NPRL3: variants seen among roughly 807,000 people sequenced by gnomAD.
The protein encoded by NPRL3 is NPR3 like, GATOR1 complex subunit, also known as GATOR1 complex protein NPRL3.
A neutral mutation model predicts 57.2 loss-of-function variants in NPRL3; 23 were observed. The observed-to-expected ratio is 0.40, with a 90% CI of 0.29 to 0.57. NPRL3 has a LOEUF of 0.57. NPRL3 is among the 20% of genes least tolerant of loss of function. The pLI, the probability that NPRL3 is intolerant of heterozygous loss-of-function variation, is 0.42. For synonymous variants in NPRL3, 333 were observed against 321.1 expected (o/e 1.04, Z -0.39); for missense variants, 691 against 767.1 (o/e 0.90, Z 1.17).
In NPRL3 at chr16:93,232, C is replaced by T; in HGVS notation, c.1018G>A (p.Ala340Thr). 6 of 1,554,186 alleles carry T rather than the reference C, an allele frequency of 3.9e-6. No homozygotes were observed. Among genetic ancestry groups the T allele is most frequent in the Non-Finnish European group, 5.2e-6 (6 of 1,148,016 alleles). Residue 340 changes from alanine to threonine, a missense_variant, in exon 10 of 14, where the codon GCC becomes ACC. Physicochemically the swap from Ala to Thr is moderately conservative, Grantham distance 58. Coordinates refer to ENST00000611875, the MANE Select transcript of NPRL3 (RefSeq NM_001077350.3). ...ENNVYMLSPNASVCLYSPLAE... is the reference protein window; with the variant it reads ...ENNVYMLSPNTSVCLYSPLAE... ...AGCAGCACTCACAGACATACGCTGG[C>T]ATTGGGAGACAGCATGTAGACGTTG...
At chr16:100,970 C>CAAAAAAAAAAA (rs59640237) in intron 7 of NPRL3, among the ~76,000 whole-genome samples, 852 of 36,004 alleles carry the variant, frequency 0.024, 157 homozygotes, top group African/African-American at 0.039. Flanking sequence ...GACTCTGTCT[C>CAAAAAAAAAAA]AAAAAAAAAA....
At chr16:106,467 CA>C (rs1376414508) in intron 7 of NPRL3, among the ~76,000 whole-genome samples, 33 of 151,564 alleles carry the variant, frequency 2.2e-4, no homozygotes, top group African/African-American at 7.7e-4. Flanking sequence ...ATCCCATTTC[CA>C]CAAAAAAATA....
intron 5 of NPRL3, 104 bp downstream of exon 5, chr16:117,197 C>T (rs747842865): frequency 6.6e-4 from 504 of 768,686 alleles, no homozygotes; most frequent in Non-Finnish European, 9.0e-4. Flanking sequence ...GGGGCCAGCC[C>T]GCTGCAGTCC....
At chr16:100,083 GCCCTCCGGCCTC>G (rs1201430374) in intron 8 of NPRL3, among the ~76,000 whole-genome samples, 1 of 151,558 alleles carries the variant, frequency 6.6e-6, no homozygotes, top group African/African-American at 2.4e-5. Flanking sequence ...AGTCCCTCCA[GCCCTCCGGCCTC>G]CCCAAGGACA....
In NPRL3 at chr16:138,346, G is replaced by T; in HGVS notation, c.-67-12C>A. 1 of 864,184 alleles carries T rather than the reference G, an allele frequency of 1.2e-6. No individual in the cohort carries two copies. Among genetic ancestry groups the T allele is most frequent in the Non-Finnish European group, 1.5e-6 (1 of 649,500 alleles). The allele number at this position is 864,184 out of a possible 1,614,324, so 53.5% of individuals were successfully genotyped here. On this transcript the variant is annotated splice_polypyrimidine_tract_variant and intron_variant, in intron 1 of 13. Coordinates refer to ENST00000611875, the MANE Select transcript of NPRL3 (RefSeq NM_001077350.3). The stretch of plus-strand genomic sequence containing the variant: ...GAGGCGGAGGGGGCCTGAGGAGGAC[G>T]GAGCCGGAGGCGGAGGGGGCCTGAG...
At chr16:97,876 C>T (rs1007229731) in intron 9 of NPRL3, among the ~76,000 whole-genome samples, 34 of 152,150 alleles carry the variant, frequency 2.2e-4, no homozygotes, top group African/African-American at 8.2e-4. Flanking sequence ...GCAAGCACCC[C>T]AGTCCTTTCT....
At position 93,312 on chromosome 16, in the gene NPRL3, G is replaced by C. The variant is rs1416610172; in HGVS notation, c.938C>G (p.Ala313Gly). The change falls in exon 10 of 14, where the codon GCA (alanine) becomes GGA (glycine). Residue 313 changes from alanine (A) to glycine (G), a missense_variant. Physicochemically the swap from Ala to Gly is moderately conservative, Grantham distance 60. Transcript: ENST00000611875. ...CTTGCCCCAGTACACCAGATGAGCT[G>C]CAAGCTGGAAAACCTGCAGGCAAAA... ...DLALLQVFQLAAHLVYWGKAI... is the reference protein window; with the variant it reads ...DLALLQVFQLGAHLVYWGKAI... 6.4e-7 allele frequency: 1 copy of C among 1,555,750 alleles called. No individual in the cohort carries two copies. Among genetic ancestry groups the C allele is most frequent in the Non-Finnish European group, 8.7e-7 (1 of 1,149,268 alleles).
intron 7 of NPRL3, among the ~76,000 whole-genome samples, chr16:107,043 A>T (rs1461367817): frequency 6.6e-6 from 1 of 152,196 alleles, no homozygotes; most frequent in African/African-American, 2.4e-5. Flanking sequence ...TCCCTGGGGC[A>T]AGCTCCAGGA....
At position 122,726 on chromosome 16, in the gene NPRL3, A is replaced by G. The variant is rs544070559; in HGVS notation, c.189-3471T>C. On this transcript the variant is annotated intron_variant, in intron 3 of 13. Transcript: ENST00000611875. Reference sequence around the variant, plus strand: ...CAGGACCTTCTATCACTGCCGAGCTATTCTGGAGTAGGGTTTGCTCTCTAG... The same window carrying G: ...CAGGACCTTCTATCACTGCCGAGCTGTTCTGGAGTAGGGTTTGCTCTCTAG... Among the ~76,000 whole-genome samples the G allele has an allele frequency of 7.2e-5, 11 of 152,324 alleles. No homozygotes were observed. In the South Asian group the frequency reaches 1.9e-3, roughly 26 times the overall value.
chr16:87,868 CT>C (rs35061088), intron 13 of NPRL3, among the ~76,000 whole-genome samples: 112 of 137,522 alleles, frequency 8.1e-4, no homozygotes, highest in African/African-American at 1.4e-3. Context: ...CCGCGCCTGA[CT>C]TTTTTTTTTT....
chr16:85,545 G>A lies in NPRL3; in HGVS notation c.*1160C>T, dbSNP rs1898417587. 5.0e-6 allele frequency: 8 copies of A among 1,613,290 alleles called. No homozygotes were observed. Among genetic ancestry groups the A allele is most frequent in the Non-Finnish European group, 6.8e-6 (8 of 1,180,026 alleles). ...CTCTGCAGTGGCCCCTCCAAGCTGT[G>A]CCAGGCCCTGGCCATCAACAAGAGC... On this transcript the variant is annotated 3_prime_UTR_variant, in exon 14 of 14. Coordinates refer to ENST00000611875, the MANE Select transcript of NPRL3 (RefSeq NM_001077350.3).
chr16:99,635 CAA>C (rs11289693), intron 8 of NPRL3, among the ~76,000 whole-genome samples: 87,008 of 119,010 alleles, frequency 0.73, 31,017 homozygotes, highest in Admixed American at 0.79. Flanking sequence ...GACTACATCT[CAA>C]AAAAAAAAAA....
intron 3 of NPRL3, among the ~76,000 whole-genome samples, chr16:127,844 TG>T (rs1900604818): frequency 6.6e-6 from 1 of 151,296 alleles, no homozygotes; most frequent in African/African-American, 2.4e-5. Context: ...TTAGTAGAGA[TG>T]GGGTTTCACC....
intron 3 of NPRL3, chr16:125,141 C>T (rs1026140548): frequency 6.4e-6 from 1 of 155,080 alleles, no homozygotes; most frequent in Non-Finnish European, 1.5e-5. Context: ...GGACACACTG[C>T]TTTCCATGTA....
intron 2 of NPRL3, among the ~76,000 whole-genome samples, chr16:133,402 T>C (rs1900905064): frequency 1.3e-5 from 2 of 149,458 alleles, no homozygotes; most frequent in Non-Finnish European, 3.0e-5. Flanking sequence ...ATTTTTGTAT[T>C]TTTTTTTTTA....
chr16:111,313 T>TG (rs1328730746), intron 6 of NPRL3, among the ~76,000 whole-genome samples: 7 of 151,936 alleles, frequency 4.6e-5, no homozygotes, highest in African/African-American at 1.7e-4. Context: ...GGCAGAAGAA[T>TG]GGCGTGAACC....
At chr16:107,367 C>T (rs540208381) in intron 7 of NPRL3, among the ~76,000 whole-genome samples, 1 of 152 alleles carries the variant, frequency 6.6e-3, no homozygotes, top group South Asian at 0.12. Flanking sequence ...GTCAACGAGC[C>T]GGGCACGGTG....
chr16:112,336 G>A (rs1033157595), intron 6 of NPRL3, among the ~76,000 whole-genome samples: 1 of 152,228 alleles, frequency 6.6e-6, no homozygotes, highest in African/African-American at 2.4e-5. Flanking sequence ...TCAGCCCCGT[G>A]TGAAGATCAT....
chr16:116,469 C>T (rs1244333709), intron 5 of NPRL3, among the ~76,000 whole-genome samples: 1 of 152,148 alleles, frequency 6.6e-6, no homozygotes, highest in South Asian at 2.1e-4. Flanking sequence ...GAGCCATTAA[C>T]AAATCATTTT....
Sources: gnomAD v4.1 joint callset for allele counts (sites outside exome capture counted in the v4.1 genomes callset) on GRCh38, gnomAD v4.1.1 for gene constraint, MANE v1.5 for transcripts, NCBI Gene and HGNC (gene_info 2026-07-23, HGNC 2026-07-21) for gene names.